Variants in MACF1 observed in about 807,000 individuals in gnomAD.
MACF1 encodes microtubule actin crosslinking factor 1, also known as microtubule-actin cross-linking factor 1.
In MACF1, 193 loss-of-function variants were observed where a neutral mutation model predicts 854.8. That is an observed-to-expected ratio of 0.23 (90% CI 0.20 to 0.25). The LOEUF is 0.25. MACF1 is among the 10% of genes least tolerant of loss of function. The pLI is 1.00. For synonymous variants in MACF1, 3,185 were observed against 3,226.7 expected (o/e 0.99, Z 0.44); for missense variants, 7,722 against 8,929.1 (o/e 0.86, Z 5.45).
rs755091255 is a variant in MACF1, at chr1:39,385,828, A to G, written c.14243A>G (p.Asp4748Gly). The change falls in exon 57 of 101, where the codon GAT becomes GGT. Residue 4748 changes from aspartate (D) to glycine (G), a missense_variant. By Grantham distance (94) the Asp-to-Gly change is moderately conservative. This residue lies in a region of MACF1 where 2,807 missense variants were observed against 3,235.8 expected (regional missense o/e 0.87). Coordinates refer to ENST00000564288, the MANE Select transcript of MACF1 (RefSeq NM_001394062.1). The part of the protein sequence containing the change: ...HEVKEAQTLC[D>G]ELSVLIGEQY... ...GTTAAGGAGGCTCAGACACTGTGCGATGAACTCTCAGTGCTCATTGGTGAG... is the reference window on the plus strand; with the variant it reads ...GTTAAGGAGGCTCAGACACTGTGCGGTGAACTCTCAGTGCTCATTGGTGAG... 6.2e-7 allele frequency: 1 copy of G among 1,614,204 alleles called. No homozygotes were observed. The highest frequency in any genetic ancestry group is 8.5e-7 in the Non-Finnish European group (1 of 1,180,040).
chr1:39,329,927 C>T (rs181511377), intron 36 of MACF1, among the ~76,000 whole-genome samples: 1 of 152,296 alleles, frequency 6.6e-6, no homozygotes, highest in African/African-American at 2.4e-5. Flanking sequence ...GGGTCTGACT[C>T]TGGGAGGACA....
chr1:39,453,570 C>A, intron 87 of MACF1, 137 bp from the exon 88 acceptor site: 1 of 702,410 alleles, frequency 1.4e-6, no homozygotes, highest in Non-Finnish European at 2.4e-6. Flanking sequence ...CCATAAATAA[C>A]TATACAGGCT....
rs144879195 is a variant in MACF1 at position 39,443,882 on chromosome 1, A to C, written c.19431+308A>C. The stretch of plus-strand genomic sequence containing the variant: ...AACACAGATGTGCTTTCACTTAAGA[A>C]GGAAACTACTTAAGGGGGGTTTAGG... On this transcript the variant is annotated intron_variant, in intron 79 of 100. Coordinates refer to ENST00000564288, the MANE Select transcript of MACF1 (RefSeq NM_001394062.1). Among the ~76,000 whole-genome samples, 1,045 of 152,326 alleles carry C rather than the reference A, an allele frequency of 6.9e-3. 6 individuals are homozygous for C. Among genetic ancestry groups the C allele is most frequent in the Admixed American group, 0.011 (175 of 15,302 alleles).
chr1:39,158,386 G>A (rs897971254), intron 2 of MACF1, among the ~76,000 whole-genome samples: 2 of 152,288 alleles, frequency 1.3e-5, no homozygotes, highest in East Asian at 3.9e-4. Flanking sequence ...CTCCTCTGTT[G>A]TGTGGCTGTA....
intron 97 of MACF1, 114 bp downstream of exon 97, chr1:39,469,729 T>C (rs1334502614): frequency 1.2e-6 from 1 of 805,506 alleles, no homozygotes; most frequent in African/African-American, 1.7e-5. Context: ...CATGAATGCT[T>C]GAAATGGCCA....
At chr1:39,169,031 C>G (rs564355570) in intron 2 of MACF1, among the ~76,000 whole-genome samples, 5 of 152,196 alleles carry the variant, frequency 3.3e-5, no homozygotes, top group Non-Finnish European at 7.3e-5. Flanking sequence ...GATTAGAAAC[C>G]TTGCAGACAT....
chr1:39,155,837 A>T (rs1293469617), intron 2 of MACF1, among the ~76,000 whole-genome samples: 1 of 151,468 alleles, frequency 6.6e-6, no homozygotes, highest in Admixed American at 6.6e-5. Flanking sequence ...CTCCTGCCTC[A>T]GCCTCCCAAA....
intron 99 of MACF1, among the ~76,000 whole-genome samples, chr1:39,483,112 A>AAAAAAC (rs1557678228): frequency 2.3e-5 from 2 of 86,806 alleles, no homozygotes; most frequent in African/African-American, 4.2e-5. Flanking sequence ...AAAAAAAAAA[A>AAAAAAC]CACCCACACA....
At chr1:39,094,422 GAAAA>G (rs1395606605) in intron 2 of MACF1, among the ~76,000 whole-genome samples, 3 of 148,796 alleles carry the variant, frequency 2.0e-5, no homozygotes, top group South Asian at 2.1e-4. Flanking sequence ...AAAAAGAAAA[GAAAA>G]AAGAAAGAAA....
chr1:39,227,940 G>C (rs1644734646), intron 1 of MACF1, among the ~76,000 whole-genome samples: 1 of 152,082 alleles, frequency 6.6e-6, no homozygotes, highest in African/African-American at 2.4e-5. Context: ...CCCTACCCAG[G>C]TAGGCTTAAC....
At position 39,459,107 on chromosome 1, in the gene MACF1, C is replaced by T. The variant is rs541517972; in HGVS notation, c.21218C>T (p.Thr7073Ile). 1.9e-6 allele frequency: 3 copies of T among 1,613,138 alleles called. No homozygotes were observed. The highest frequency in any genetic ancestry group is 2.5e-6 in the Non-Finnish European group (3 of 1,179,720). ...SGGRKSLSQPTPPPMPILSQS... is the reference protein window; with the variant it reads ...SGGRKSLSQPIPPPMPILSQS... Reference sequence around the variant, plus strand: ...TTAGGGAAATCCCTAAGTCAGCCAACCCCTCCTCCCATGCCAATCCTTTCA... The same window carrying T: ...TTAGGGAAATCCCTAAGTCAGCCAATCCCTCCTCCCATGCCAATCCTTTCA... The change falls in exon 91 of 101, where the codon ACC (threonine) becomes ATC (isoleucine). Residue 7073 changes from threonine to isoleucine, a missense_variant. Transcript: ENST00000564288.
chr1:39,178,333 G>A (rs1026315274), intron 2 of MACF1, among the ~76,000 whole-genome samples: 5 of 152,106 alleles, frequency 3.3e-5, no homozygotes, highest in African/African-American at 1.2e-4. Flanking sequence ...CAGTGCACAT[G>A]TACTAACACC....
Position 39,448,739 on chromosome 1 carries a change from C to G in MACF1, c.20234C>G (p.Thr6745Ser). Reference sequence around the variant, plus strand: ...GGAGAAGTCAGAGACAAATGGGATACTGTTTGTGGCAAGTCTGTGGAGCGG... The same window carrying G: ...GGAGAAGTCAGAGACAAATGGGATAGTGTTTGTGGCAAGTCTGTGGAGCGG... ...FLGEVRDKWD[T>S]VCGKSVERQH... Residue 6745 changes from threonine to serine, a missense_variant, in exon 84 of 101, where the codon ACT becomes AGT. Around this residue, in one of 15 missense-constraint regions of MACF1, gnomAD observed 729 missense variants for 900.5 expected, o/e 0.81. Coordinates refer to ENST00000564288, the MANE Select transcript of MACF1 (RefSeq NM_001394062.1). 1 of 1,612,554 alleles carries G rather than the reference C, an allele frequency of 6.2e-7. No individual in the cohort carries two copies. The highest frequency in any genetic ancestry group is 1.3e-5 in the African/African-American group (1 of 74,944).
Position 39,356,267 on chromosome 1 carries a change from C to G in MACF1, c.11425-1108C>G, listed in dbSNP as rs1647557112. Among the ~76,000 whole-genome samples the G allele has an allele frequency of 2.6e-5, 4 of 152,248 alleles. No homozygotes were observed. The South Asian group carries it at 8.3e-4, about 32-fold the overall frequency. ...AAAGTACAAATTACTTATTATTACC[C>G]AGAAATACAGTTTAATCTCTAATTA... On this transcript the variant is annotated intron_variant, in intron 44 of 100. Transcript: ENST00000564288.
chr1:39,108,506 GTTT>G (rs778050199), intron 2 of MACF1, among the ~76,000 whole-genome samples: 11 of 120,672 alleles, frequency 9.1e-5, no homozygotes, highest in South Asian at 2.8e-4. Context: ...ACATGAGAGG[GTTT>G]TTTTTTTTTT....
intron 38 of MACF1, among the ~76,000 whole-genome samples, chr1:39,339,839 C>T (rs1646896594): frequency 1.3e-5 from 2 of 151,974 alleles, no homozygotes; most frequent in Non-Finnish European, 2.9e-5. Context: ...GGATTGGAGT[C>T]ACCATGAAGA....
rs1383186411 is a variant in MACF1 at position 39,464,987 on chromosome 1, C to T, written c.21754-108C>T. 10 of 989,226 alleles carry T rather than the reference C, an allele frequency of 1.0e-5. No individual in the cohort carries two copies. The Admixed American group carries it at 1.5e-4, about 15-fold the overall frequency. The allele number at this position is 989,226 out of a possible 1,614,324, so 61.3% of individuals were successfully genotyped here. On this transcript the variant is annotated intron_variant, in intron 94 of 100. Coordinates refer to ENST00000564288, the MANE Select transcript of MACF1 (RefSeq NM_001394062.1). ...AATATGTTCAGTGTGTGTCACTTTG[C>T]CAGAAAAATGTAATGATATGATTTT...
Position 39,352,647 on chromosome 1 carries a change from A to G in MACF1, c.11200-360A>G, listed in dbSNP as rs563790831. On this transcript the variant is annotated intron_variant, in intron 43 of 100. Coordinates refer to ENST00000564288, the MANE Select transcript of MACF1 (RefSeq NM_001394062.1). Reference sequence around the variant, plus strand: ...ATACTCGTGTCTCAGCCTCCTGAGTAGCTGGGTCTACAGGCATGCACCACC... The same window carrying G: ...ATACTCGTGTCTCAGCCTCCTGAGTGGCTGGGTCTACAGGCATGCACCACC... Among the ~76,000 whole-genome samples, 7 of 152,256 alleles carry G rather than the reference A, an allele frequency of 4.6e-5. No homozygotes were observed. In the South Asian group the frequency reaches 8.3e-4, roughly 18 times the overall value.
At chr1:39,149,128 G>C (rs1171180520) in intron 2 of MACF1, among the ~76,000 whole-genome samples, 3 of 152,184 alleles carry the variant, frequency 2.0e-5, no homozygotes, top group Non-Finnish European at 4.4e-5. Flanking sequence ...ATGCCGGAGA[G>C]AGTGACTCTT....
Sources: gnomAD v4.1 joint callset for allele counts (sites outside exome capture counted in the v4.1 genomes callset) on GRCh38, gnomAD v4.1.1 for gene constraint, gnomAD v4.1.1 regional missense constraint, MANE v1.5 for transcripts, NCBI Gene and HGNC (gene_info 2026-07-23, HGNC 2026-07-21) for gene names.